CLASRP: variants seen among roughly 807,000 people sequenced by gnomAD.
CLASRP encodes CLK4-associating serine/arginine rich protein.
In CLASRP, 52 loss-of-function variants were observed where a neutral mutation model predicts 99.9. The observed-to-expected ratio is 0.52, with a 90% CI of 0.42 to 0.66. The LOEUF (loss-of-function observed/expected upper bound fraction) is 0.66, where lower values mean the gene tolerates loss of function less well. Ranked by LOEUF, CLASRP falls within the 30% of genes least tolerant of loss-of-function variation. The probability of loss-of-function intolerance (pLI) is 0.00; values close to 1 mark genes in which losing one functional copy is unlikely to be tolerated. For synonymous variants in CLASRP, 379 were observed against 373.0 expected (o/e 1.02, Z -0.18); for missense variants, 848 against 999.2 (o/e 0.85, Z 2.04).
intron 2 of CLASRP, among the ~76,000 whole-genome samples, chr19:45,046,900 G>T (rs1299599906): frequency 6.6e-6 from 1 of 152,178 alleles, no homozygotes; most frequent in Non-Finnish European, 1.5e-5. Context: ...TGTGGCACAT[G>T]CCTGCAGTTC....
chr19:45,068,998 A>G, intron 16 of CLASRP, 68 bp from the exon 17 acceptor site: 7 of 1,438,580 alleles, frequency 4.9e-6, no homozygotes, highest in South Asian at 3.7e-5. Flanking sequence ...TCAAAAAAAA[A>G]AAAAAAGAAA....
At chr19:45,045,462 A>G (rs1399380846) in intron 2 of CLASRP, among the ~76,000 whole-genome samples, 3 of 152,128 alleles carry the variant, frequency 2.0e-5, no homozygotes, top group East Asian at 3.9e-4. Flanking sequence ...GGCTGCAGTG[A>G]GCTGTGATTG....
At chr19:45,057,428 G>T (rs1464130815) in intron 6 of CLASRP, among the ~76,000 whole-genome samples, 1 of 152,236 alleles carries the variant, frequency 6.6e-6, no homozygotes, top group East Asian at 1.9e-4. Flanking sequence ...AGGACTCTGG[G>T]CTGTGCCCTT....
chr19:45,058,024 C>T, intron 7 of CLASRP, 126 bp downstream of exon 7: 2 of 1,213,570 alleles, frequency 1.6e-6, no homozygotes, highest in Non-Finnish European at 1.2e-6. Flanking sequence ...CGCCCCAGGG[C>T]ACACCAGCCT....
rs772304595 is a variant in CLASRP at position 45,070,846 on chromosome 19, G to A, written c.*1G>A. ...CCGAAGCCCCCATTACCGACATTAG[G>A]CAGAAGAGTGGGGGGTGGGGAGGAC... is the stretch of plus-strand genomic sequence containing the variant. On this transcript the variant is annotated 3_prime_UTR_variant, in exon 21 of 21. Transcript: ENST00000221455. 7.7e-6 allele frequency: 11 copies of A among 1,419,706 alleles called. No homozygotes were observed. Among genetic ancestry groups the A allele is most frequent in the South Asian group, 6.9e-5 (6 of 87,240 alleles). The allele number at this position is 1,419,706 out of a possible 1,614,324, so 87.9% of individuals were successfully genotyped here. A position where few individuals can be genotyped will look rare whatever the true frequency, so the allele number is the denominator to read the frequency against.
In CLASRP at chr19:45,060,174, G is replaced by A. The variant is rs1966907109; in HGVS notation, c.711-215G>A. Among the ~76,000 whole-genome samples, 1 of 152,012 alleles carries A rather than the reference G, an allele frequency of 6.6e-6. No individual in the cohort carries two copies. Among genetic ancestry groups the A allele is most frequent in the Non-Finnish European group, 1.5e-5 (1 of 67,982 alleles). ...CCCTAGAATGTAAGCCCGTGCAGGT[G>A]AGGATTTCTGTTTTTTTTTTTCAGT... On this transcript the variant is annotated intron_variant, in intron 8 of 20. Transcript: ENST00000221455. The surrounding 1 kb of genome is among the most constrained non-coding windows in gnomAD (Gnocchi z 4.6).
In CLASRP at chr19:45,060,826, C is replaced by T. The variant is rs1395471694; in HGVS notation, c.863+199C>T. On this transcript the variant is annotated intron_variant, in intron 10 of 20. Coordinates refer to ENST00000221455, the MANE Select transcript of CLASRP (RefSeq NM_007056.3). This position sits in a 1 kb window ranked among gnomAD's most constrained non-coding sequence, Gnocchi z 4.6. ...TGTGGACTCCTTTCCTTGCCAGCCC[C>T]TCCCCTCACCCTACTGGACTGGGGG... 2.6e-5 allele frequency among the ~76,000 whole-genome samples: 4 copies of T among 152,216 alleles called. No individual in the cohort carries two copies. The highest frequency in any genetic ancestry group is 5.9e-5 in the Non-Finnish European group (4 of 68,028).
intron 2 of CLASRP, among the ~76,000 whole-genome samples, chr19:45,047,968 G>A (rs896052257): frequency 6.6e-6 from 1 of 151,760 alleles, no homozygotes; most frequent in Admixed American, 6.6e-5. Flanking sequence ...GCCTGTACTC[G>A]GGAGGCTGAG....
chr19:45,068,091 G>T, intron 15 of CLASRP, 37 bp downstream of exon 15: 1 of 1,603,008 alleles, frequency 6.2e-7, no homozygotes, highest in Non-Finnish European at 8.5e-7. Context: ...TCTAATTCCC[G>T]TCAGCAGCAG....
intron 6 of CLASRP, 49 bp downstream of exon 6, chr19:45,056,583 G>GGCTCCC: frequency 6.6e-7 from 1 of 1,512,494 alleles, no homozygotes; most frequent in Non-Finnish European, 9.2e-7. Flanking sequence ...GGAGGGCTGG[G>GGCTCCC]AGCCCCAGCC....
intron 5 of CLASRP, 80 bp from the exon 6 acceptor site, chr19:45,056,370 C>T: frequency 1.6e-6 from 2 of 1,276,246 alleles, no homozygotes; most frequent in East Asian, 4.6e-5. Context: ...GTCTTCCTGC[C>T]CCACCGCACC....
At position 45,064,243 on chromosome 19, in the gene CLASRP, G is replaced by T; in HGVS notation, c.1121+16G>T. On this transcript the variant is annotated intron_variant, in intron 12 of 20. Coordinates refer to ENST00000221455, the MANE Select transcript of CLASRP (RefSeq NM_007056.3). ...CCAGCGCCCGGTCGGTAACGCTCAC[G>T]CCGCCCGCCCTACGCCCCGGTCACC... 1 of 1,569,178 alleles carries T rather than the reference G, an allele frequency of 6.4e-7. No homozygotes were observed. Among genetic ancestry groups the T allele is most frequent in the East Asian group, 2.3e-5 (1 of 43,074 alleles).
intron 15 of CLASRP, 113 bp downstream of exon 15, chr19:45,068,167 G>A (rs1967136884): frequency 1.1e-6 from 1 of 906,826 alleles, no homozygotes; most frequent in Admixed American, 1.9e-5. Flanking sequence ...CCAGCCCCAG[G>A]GACAGGGAGG....
chr19:45,064,662 G>A (rs970638896), intron 13 of CLASRP, 32 bp downstream of exon 13: 1 of 1,516,770 alleles, frequency 6.6e-7, no homozygotes. Flanking sequence ...GGTGGGAGGG[G>A]CTGGGGGGGC....
At chr19:45,053,959 C>G (rs1014673943) in intron 5 of CLASRP, among the ~76,000 whole-genome samples, 3 of 152,164 alleles carry the variant, frequency 2.0e-5, no homozygotes, top group African/African-American at 7.2e-5. Flanking sequence ...TTACTCTGCC[C>G]GCACAGATCA....
chr19:45,045,205 G>A (rs1156453108), intron 2 of CLASRP, among the ~76,000 whole-genome samples: 2 of 152,174 alleles, frequency 1.3e-5, no homozygotes, highest in Admixed American at 6.5e-5. Context: ...GGGGCAAAGC[G>A]CTCATGCCAT....
intron 11 of CLASRP, among the ~76,000 whole-genome samples, chr19:45,062,430 TGCAGTG>T: frequency 6.6e-6 from 1 of 152,298 alleles, no homozygotes; most frequent in African/African-American, 2.4e-5. Flanking sequence ...CAGGCTGGAG[TGCAGTG>T]GCACGATCTT....
rs114911215 is a variant in CLASRP, at chr19:45,040,672, C to T, written c.99+361C>T. 1,564 of 224,848 alleles carry T rather than the reference C, an allele frequency of 7.0e-3. 25 individuals are homozygous for T. Among genetic ancestry groups the T allele is most frequent in the African/African-American group, 0.033 (1,482 of 45,168 alleles). The allele number at this position is 224,848 out of a possible 1,614,324, so 13.9% of individuals were successfully genotyped here. A position where few individuals can be genotyped will look rare whatever the true frequency, so the allele number is the denominator to read the frequency against. ...GAGCTCAGCCACTCTTGAGATTTGG[C>T]TTGGCACACAATAGGAGTGAGTATT... On this transcript the variant is annotated intron_variant, in intron 2 of 20. Coordinates refer to ENST00000221455, the MANE Select transcript of CLASRP (RefSeq NM_007056.3).
rs1466468582 is a variant in CLASRP, at chr19:45,064,373, T to G, written c.1152T>G (p.Ser384=). Residue 384 remains serine (S), a synonymous_variant, in exon 13 of 21, where the codon TCT becomes TCG. Transcript: ENST00000221455. ...RRRSSSSSSS[S]SASRTSSSRS... The stretch of plus-strand genomic sequence containing the variant: ...GCTCCTCCTCCTCCTCCTCCTCCTC[T>G]TCTGCCTCGAGGACCTCCAGCTCCC... 1 of 1,532,080 alleles carries G rather than the reference T, an allele frequency of 6.5e-7. No homozygotes were observed. The highest frequency in any genetic ancestry group is 8.7e-7 in the Non-Finnish European group (1 of 1,143,332). The allele number at this position is 1,532,080 out of a possible 1,614,324, so 94.9% of individuals were successfully genotyped here. A position where few individuals can be genotyped will look rare whatever the true frequency, so the allele number is the denominator to read the frequency against.
Sources: gnomAD v4.1 joint callset for allele counts (sites outside exome capture counted in the v4.1 genomes callset) on GRCh38, gnomAD v4.1.1 for gene constraint, Gnocchi (gnomAD v3.1) non-coding constraint, MANE v1.5 for transcripts, NCBI Gene and HGNC (gene_info 2026-07-23, HGNC 2026-07-21) for gene names.